Variants in TRAPPC8 observed in about 807,000 individuals in gnomAD.
TRAPPC8 encodes the protein trafficking protein particle complex subunit 8.
In TRAPPC8, 54 loss-of-function variants were observed where a neutral mutation model predicts 174.3. The observed-to-expected ratio is 0.31, with a 90% confidence interval of 0.25 to 0.39. TRAPPC8 has a LOEUF of 0.39. Among genes scored for constraint, TRAPPC8 ranks in the 10% least tolerant of loss-of-function variants. The pLI, the probability that TRAPPC8 is intolerant of heterozygous loss-of-function variation, is 1.00. For missense variants in TRAPPC8, 1,531 were observed against 1,699.1 expected, an observed-to-expected ratio of 0.90 and a Z score of 1.74; for synonymous variants, 630 against 579.9, an observed-to-expected ratio of 1.09 and a Z score of -1.24.
rs138394856 is a variant in TRAPPC8, at chr18:31,931,492, G to A, written c.189C>T (p.His63=). 4.0e-4 allele frequency: 645 copies of A among 1,601,642 alleles called. 11 individuals are homozygous for A. The highest frequency in any genetic ancestry group is 3.0e-3 in the South Asian group (260 of 87,952). The change falls in exon 2 of 29, where the codon CAC becomes CAT. Residue 63 remains histidine (H), a synonymous_variant. Coordinates refer to ENST00000283351, the MANE Select transcript of TRAPPC8 (RefSeq NM_014939.5). ...VHMRDPNNQL[H]VIKNLKIAVS... is the part of the protein sequence containing the mutation. ...CTGCTATCTTCAAATTTTTAATTAC[G>A]TGAAGTTGATTATTAGGATCTCTCA...
Position 31,942,595 on chromosome 18 carries a change from G to A in TRAPPC8, c.157+13C>T, listed in dbSNP as rs368568683. ...TTGCGGGAGCCCACTGGAAAAGGGAGGATACCACATACCCTCGGAAGTGAG... is the reference window on the plus strand; with the variant it reads ...TTGCGGGAGCCCACTGGAAAAGGGAAGATACCACATACCCTCGGAAGTGAG... On this transcript the variant is annotated intron_variant, in intron 1 of 28. Coordinates refer to ENST00000283351, the MANE Select transcript of TRAPPC8 (RefSeq NM_014939.5). The A allele has an allele frequency of 3.2e-4, 504 of 1,572,656 alleles. No individual in the cohort carries two copies. The highest frequency in any genetic ancestry group is 4.3e-4 in the Non-Finnish European group (493 of 1,158,316).
intron 21 of TRAPPC8, among the ~76,000 whole-genome samples, chr18:31,854,744 G>A (rs187019166): frequency 7.9e-5 from 12 of 151,916 alleles, no homozygotes; most frequent in Non-Finnish European, 1.3e-4. Flanking sequence ...CGAGGTGGGC[G>A]GATTACGAGG....
At position 31,838,534 on chromosome 18, in the gene TRAPPC8, A is replaced by G. The variant is rs73958214; in HGVS notation, c.3983+778T>C. On this transcript the variant is annotated intron_variant, in intron 27 of 28. Transcript: ENST00000283351. ...ACTCCCTGATCCCTTTTCATAGCCCAGTTTCTTGAAAGGATGGTCAACGCG... is the reference window on the plus strand; with the variant it reads ...ACTCCCTGATCCCTTTTCATAGCCCGGTTTCTTGAAAGGATGGTCAACGCG... 9.9e-3 allele frequency among the ~76,000 whole-genome samples: 1,503 copies of G among 152,240 alleles called. 25 individuals are homozygous for G. Among genetic ancestry groups the G allele is most frequent in the African/African-American group, 0.035 (1,438 of 41,550 alleles).
chr18:31,852,243 A>AG lies in TRAPPC8; in HGVS notation c.3561+202dup, dbSNP rs760155616. The stretch of plus-strand genomic sequence containing the variant: ...GTAGTCCCAGCTACTCAGGAGGCTG[A>AG]GGGGGGAGGATCACTTGATCCTGGG... On this transcript the variant is annotated intron_variant, in intron 24 of 28. Transcript: ENST00000283351. Among the ~76,000 whole-genome samples, 3 of 152,170 alleles carry AG rather than the reference A, an allele frequency of 2.0e-5. No homozygotes were observed. The East Asian group carries it at 5.8e-4, about 29-fold the overall frequency.
intron 3 of TRAPPC8, among the ~76,000 whole-genome samples, chr18:31,916,976 C>T (rs1030349557): frequency 6.6e-6 from 1 of 151,686 alleles, no homozygotes; most frequent in Admixed American, 6.6e-5. Flanking sequence ...GTTTTTTCGG[C>T]CATTAATATA....
chr18:31,855,946 T>C, intron 20 of TRAPPC8, 139 bp from the exon 21 acceptor site: 1 of 927,094 alleles, frequency 1.1e-6, no homozygotes, highest in Non-Finnish European at 1.5e-6. Flanking sequence ...ATACATTAAG[T>C]AAAATTACAT....
chr18:31,858,929 A>T (rs986181147), intron 19 of TRAPPC8, among the ~76,000 whole-genome samples: 3 of 152,014 alleles, frequency 2.0e-5, no homozygotes, highest in African/African-American at 7.2e-5. Flanking sequence ...ACATGGTGAG[A>T]CCTGTTTCTA....
chr18:31,867,090 C>A, intron 17 of TRAPPC8, 115 bp from the exon 18 acceptor site: 1 of 1,104,208 alleles, frequency 9.1e-7, no homozygotes, highest in Non-Finnish European at 1.3e-6. Context: ...TTTAAAATGC[C>A]AATTAATTTA....
chr18:31,912,073 G>GT (rs1371465159), intron 5 of TRAPPC8, among the ~76,000 whole-genome samples: 4 of 151,990 alleles, frequency 2.6e-5, no homozygotes, highest in African/African-American at 9.7e-5. Flanking sequence ...TAAGAAAGGA[G>GT]TAATTAAAAA....
At chr18:31,862,379 A>G (rs1375703065) in intron 19 of TRAPPC8, among the ~76,000 whole-genome samples, 1 of 152,078 alleles carries the variant, frequency 6.6e-6, no homozygotes, top group Non-Finnish European at 1.5e-5. Flanking sequence ...TAGTACTGAC[A>G]CAGAAAGAAA....
rs571585943 is a variant in TRAPPC8 at position 31,848,476 on chromosome 18, G to A, written c.3735+1090C>T. On this transcript the variant is annotated intron_variant, in intron 25 of 28. Transcript: ENST00000283351. ...CTTATATAATATGATTCTAAAGTTCGGAAGAATTTGATTTCGCCAATAATG... is the reference window on the plus strand; with the variant it reads ...CTTATATAATATGATTCTAAAGTTCAGAAGAATTTGATTTCGCCAATAATG... Among the ~76,000 whole-genome samples the A allele has an allele frequency of 2.4e-4, 36 of 152,150 alleles. No homozygotes were observed. In the East Asian group the frequency reaches 3.1e-3, roughly 13 times the overall value.
chr18:31,848,831 G>A (rs1476332354), intron 25 of TRAPPC8, among the ~76,000 whole-genome samples: 1 of 152,044 alleles, frequency 6.6e-6, no homozygotes, highest in Non-Finnish European at 1.5e-5. Flanking sequence ...GATACAAAAG[G>A]GTGTAACGTA....
chr18:31,875,884 A>T (rs1030291736), intron 12 of TRAPPC8, among the ~76,000 whole-genome samples: 24 of 152,154 alleles, frequency 1.6e-4, no homozygotes, highest in African/African-American at 5.8e-4. Flanking sequence ...GAAAATAGAG[A>T]GTGGACTGGT....
At chr18:31,901,850 G>A (rs937599325) in intron 9 of TRAPPC8, among the ~76,000 whole-genome samples, 9 of 152,210 alleles carry the variant, frequency 5.9e-5, no homozygotes, top group African/African-American at 9.6e-5. Flanking sequence ...GTGGGTGCAC[G>A]TATATACAAT....
intron 24 of TRAPPC8, among the ~76,000 whole-genome samples, chr18:31,851,143 G>A (rs115620303): frequency 6.6e-6 from 1 of 152,134 alleles, no homozygotes; most frequent in Admixed American, 6.5e-5. Flanking sequence ...CGAGCAGAAA[G>A]AAGAAATCAT....
intron 12 of TRAPPC8, among the ~76,000 whole-genome samples, chr18:31,880,122 T>TATATATATATATATATATATA (rs1491572903): frequency 1.5e-5 from 1 of 65,924 alleles, no homozygotes; most frequent in Non-Finnish European, 3.0e-5. Flanking sequence ...TATATATATA[T>TATATATATATATATATATATA]TTTTTTTTTT....
chr18:31,893,817 T>C lies in TRAPPC8; in HGVS notation c.1597-2951A>G, dbSNP rs530110707. Among the ~76,000 whole-genome samples the C allele has an allele frequency of 4.6e-5, 7 of 152,198 alleles. No homozygotes were observed. In the East Asian group the frequency reaches 1.2e-3, roughly 25 times the overall value. On this transcript the variant is annotated intron_variant, in intron 11 of 28. Transcript: ENST00000283351. ...GTCTATTCTTAGCACACTGCACATA[T>C]GCATGCATACATACACACACACGAA... is the stretch of plus-strand genomic sequence containing the variant.
intron 12 of TRAPPC8, among the ~76,000 whole-genome samples, chr18:31,882,442 G>A (rs1309623498): frequency 3.3e-5 from 5 of 151,906 alleles, no homozygotes; most frequent in Admixed American, 3.3e-4. Flanking sequence ...TAGACACTGG[G>A]CACACCAAAA....
intron 26 of TRAPPC8, among the ~76,000 whole-genome samples, chr18:31,839,879 A>C (rs2032993118): frequency 6.6e-6 from 1 of 152,232 alleles, no homozygotes; most frequent in Non-Finnish European, 1.5e-5. Flanking sequence ...CACCTATTTT[A>C]ATAGCTGAAA....
Sources: allele counts gnomAD v4.1 joint callset (sites outside exome capture counted in the v4.1 genomes callset), GRCh38; gene constraint gnomAD v4.1.1; transcripts MANE v1.5; gene names NCBI Gene and HGNC (gene_info 2026-07-23, HGNC 2026-07-21).